The following ADAMTSL2 variants were observed in gnomAD, a reference collection of about 807,000 sequenced individuals.
The protein encoded by ADAMTSL2 is ADAMTS like 2, also known as ADAMTS-like protein 2.
In ADAMTSL2, 55 loss-of-function variants were observed where a neutral mutation model predicts 117.0. The observed-to-expected ratio is 0.47, with a 90% CI of 0.38 to 0.59. ADAMTSL2 has a LOEUF of 0.59. Ranked by LOEUF, ADAMTSL2 falls within the 20% of genes least tolerant of loss-of-function variation. ADAMTSL2 has a pLI of 0.00. For missense variants in ADAMTSL2, 1,182 were observed against 1,354.5 expected (o/e 0.87, Z 2.00); for synonymous variants, 572 against 566.4 (o/e 1.01, Z -0.14).
At chr9:133,538,171 A>G (rs1830097904) in intron 3 of ADAMTSL2, among the ~76,000 whole-genome samples, 178 bp from the exon 4 acceptor site, 2 of 152,252 alleles carry the variant, frequency 1.3e-5, no homozygotes, top group African/African-American at 2.4e-5. Context: ...AAGTGAATCA[A>G]ATCTCATTCC....
chr9:133,551,825 T>A (rs1336171281), intron 9 of ADAMTSL2, among the ~76,000 whole-genome samples: 3 of 70,016 alleles, frequency 4.3e-5, no homozygotes, highest in Non-Finnish European at 1.1e-4. Flanking sequence ...TTTTTTTTTT[T>A]TTTTTTTTTT....
At chr9:133,551,512 G>A (rs9696281) in intron 9 of ADAMTSL2, among the ~76,000 whole-genome samples, 47,655 of 152,030 alleles carry the variant, frequency 0.31, 8,134 homozygotes, top group Middle Eastern at 0.39. Context: ...TGTGTGGGTC[G>A]CCTGATGTCC....
At chr9:133,549,974 T>C (rs1830445135) in intron 9 of ADAMTSL2, among the ~76,000 whole-genome samples, 1 of 152,214 alleles carries the variant, frequency 6.6e-6, no homozygotes, top group South Asian at 2.1e-4. Context: ...ATGTCTTCTA[T>C]GTGCTGGGCA....
intron 15 of ADAMTSL2, 44 bp from the exon 16 acceptor site, chr9:133,569,364 G>A (rs1831051779): frequency 1.2e-6 from 2 of 1,602,442 alleles, no homozygotes; most frequent in South Asian, 2.2e-5. Flanking sequence ...TCCTGGTGTG[G>A]CTGCCTCTCA....
Position 133,558,443 on chromosome 9 carries a change from A to T in ADAMTSL2, c.1649+2513A>T, listed in dbSNP as rs1830655970. On this transcript the variant is annotated intron_variant, in intron 11 of 18. Coordinates refer to ENST00000651351, the MANE Select transcript of ADAMTSL2 (RefSeq NM_014694.4). This position sits in a 1 kb window ranked among gnomAD's most constrained non-coding sequence, Gnocchi z 4.3. ...TTTCATCTTTCCAGAAAAGCTTCAA[A>T]CAATCAAGGGAGGGGCCCCTGTCAC... Among the ~76,000 whole-genome samples, 1 of 152,218 alleles carries T rather than the reference A, an allele frequency of 6.6e-6. No individual in the cohort carries two copies. The highest frequency in any genetic ancestry group is 6.5e-5 in the Admixed American group (1 of 15,286).
upstream of ADAMTSL2, among the ~76,000 whole-genome samples, chr9:133,533,542 A>G (rs1373155718): frequency 6.6e-6 from 1 of 152,214 alleles, no homozygotes; most frequent in Non-Finnish European, 1.5e-5. Flanking sequence ...CTGGCCTCAC[A>G]GCTCTGGGCC....
In ADAMTSL2 at chr9:133,574,856, C is replaced by G. The variant is rs1045990677; in HGVS notation, c.2848C>G (p.His950Asp). 21 of 1,607,442 alleles carry G rather than the reference C, an allele frequency of 1.3e-5. No individual in the cohort carries two copies. Among genetic ancestry groups the G allele is most frequent in the South Asian group, 5.5e-5 (5 of 91,046 alleles). Residue 950 changes from histidine to aspartate, a missense_variant, in exon 19 of 19, where the codon CAC becomes GAC. Coordinates refer to ENST00000651351, the MANE Select transcript of ADAMTSL2 (RefSeq NM_014694.4). ...GTGCTGCCGCTCCTGCAGGCCCCCC[C>G]ACTCCTAGGCCCGGCAGCTGCAGCC... ...KACCRSCRPP[H>D]S
In ADAMTSL2 at chr9:133,558,535, G is replaced by A. The variant is rs36033612; in HGVS notation, c.1649+2605G>A. ...GCGGAGTCCCTCTCCGCAGCCTTGGGGGGAGAGAAGAACAGAGCACTTTCT... is the reference window on the plus strand; with the variant it reads ...GCGGAGTCCCTCTCCGCAGCCTTGGAGGGAGAGAAGAACAGAGCACTTTCT... On this transcript the variant is annotated intron_variant, in intron 11 of 18. Transcript: ENST00000651351. The surrounding 1 kb of genome is among the most constrained non-coding windows in gnomAD (Gnocchi z 4.3). Among the ~76,000 whole-genome samples, 2 of 152,216 alleles carry A rather than the reference G, an allele frequency of 1.3e-5. No individual in the cohort carries two copies. The highest frequency in any genetic ancestry group is 2.4e-5 in the African/African-American group (1 of 41,452).
chr9:133,549,032 C>T lies in ADAMTSL2; in HGVS notation c.939+1819C>T, dbSNP rs571102237. Among the ~76,000 whole-genome samples the T allele has an allele frequency of 4.9e-4, 2 of 4,048 alleles. 1 individual carries two copies. Among genetic ancestry groups the T allele is most frequent in the Non-Finnish European group, 4.7e-3 (2 of 426 alleles). 2.7% of individuals were successfully genotyped at this position (4,048 alleles called of 152,430 possible). A position where few individuals can be genotyped will look rare whatever the true frequency, so the allele number is the denominator to read the frequency against. ...TTTTTTTTTTTTTGAGACGGAGTCTCGCTCTGTCGCCCAGGCTGGAGTGCA... is the reference window on the plus strand; with the variant it reads ...TTTTTTTTTTTTTGAGACGGAGTCTTGCTCTGTCGCCCAGGCTGGAGTGCA... On this transcript the variant is annotated intron_variant, in intron 9 of 18. Transcript: ENST00000651351.
chr9:133,533,483 C>G (rs750742618), upstream of ADAMTSL2, among the ~76,000 whole-genome samples: 14 of 152,120 alleles, frequency 9.2e-5, no homozygotes, highest in Non-Finnish European at 1.9e-4. Context: ...TGACTTGGTC[C>G]CCGAACCTCA....
rs1225517069 is a variant in ADAMTSL2, at chr9:133,558,987, G to A, written c.1650-2211G>A. The stretch of plus-strand genomic sequence containing the variant: ...AAATCCAAAGGGTTATTTTGAACCG[G>A]GCCCGCTCTCTCTTGAGTCAGGCAT... On this transcript the variant is annotated intron_variant, in intron 11 of 18. Transcript: ENST00000651351. The surrounding 1 kb of genome is among the most constrained non-coding windows in gnomAD (Gnocchi z 4.3). Among the ~76,000 whole-genome samples, 1 of 152,122 alleles carries A rather than the reference G, an allele frequency of 6.6e-6. No homozygotes were observed. The highest frequency in any genetic ancestry group is 1.5e-5 in the Non-Finnish European group (1 of 68,026).
At chr9:133,537,291 G>A (rs1239842697) in intron 2 of ADAMTSL2, 114 bp from the exon 3 acceptor site, 9 of 1,182,790 alleles carry the variant, frequency 7.6e-6, no homozygotes, top group African/African-American at 3.1e-5. Context: ...GGCCCAGCCA[G>A]GGGGCTGTGT....
chr9:133,555,485 TC>T, intron 10 of ADAMTSL2, 72 bp from the exon 11 acceptor site: 1 of 1,595,028 alleles, frequency 6.3e-7, no homozygotes, highest in Non-Finnish European at 8.6e-7. Flanking sequence ...CTCGTCCAGG[TC>T]CCCTCCCCAG....
intron 4 of ADAMTSL2, among the ~76,000 whole-genome samples, chr9:133,538,637 T>C (rs1830113926): frequency 6.6e-6 from 1 of 151,928 alleles, no homozygotes; most frequent in Non-Finnish European, 1.5e-5. Context: ...TGTGCTCACA[T>C]GTGCTCAGCA....
At chr9:133,563,527 C>T (rs1830798131) in intron 12 of ADAMTSL2, among the ~76,000 whole-genome samples, 1 of 152,122 alleles carries the variant, frequency 6.6e-6, no homozygotes, top group East Asian at 1.9e-4. Flanking sequence ...GGACGTCGCT[C>T]GAGACGTCTG....
In ADAMTSL2 at chr9:133,540,665, G is replaced by C. The variant is rs1014528243; in HGVS notation, c.480G>C (p.Gln160His). The C allele has an allele frequency of 6.2e-7, 1 of 1,613,812 alleles. No individual in the cohort carries two copies. Among genetic ancestry groups the C allele is most frequent in the Non-Finnish European group, 8.5e-7 (1 of 1,180,046 alleles). ...GTACCACCGTGGACGGCCAGCGGCA[G>C]CTCATGGTCCCCGCCCGCGACGGCA... ...LHCTTVDGQRQLMVPARDGTS... is the reference protein window; with the variant it reads ...LHCTTVDGQRHLMVPARDGTS... Residue 160 changes from glutamine (Q) to histidine (H), a missense_variant, in exon 6 of 19, where the codon CAG becomes CAC. Physicochemically the swap from Gln to His is conservative, Grantham distance 24 (BLOSUM62 0). Transcript: ENST00000651351.
At chr9:133,538,537 C>T in intron 4 of ADAMTSL2, 113 bp downstream of exon 4, 5 of 1,254,380 alleles carry the variant, frequency 4.0e-6, no homozygotes, top group Non-Finnish European at 4.6e-6. Flanking sequence ...TTGTGGGCTG[C>T]TCTTCAAGGA....
rs532255412 is a variant in ADAMTSL2, at chr9:133,539,925, G to A, written c.412+52G>A. On this transcript the variant is annotated intron_variant, in intron 5 of 18. Coordinates refer to ENST00000651351, the MANE Select transcript of ADAMTSL2 (RefSeq NM_014694.4). ...TGCAGGGAGCTGACTGAGCTTTGGG[G>A]GTAGCCCTTCCGGCACCTGGGACCA... 5.9e-6 allele frequency: 9 copies of A among 1,521,384 alleles called. No individual in the cohort carries two copies. In the South Asian group the frequency reaches 8.4e-5, roughly 14 times the overall value. The allele number at this position is 1,521,384 out of a possible 1,614,324, so 94.2% of individuals were successfully genotyped here. A position where few individuals can be genotyped will look rare whatever the true frequency, so the allele number is the denominator to read the frequency against.
rs937540746 is a variant in ADAMTSL2, at chr9:133,574,869, G to A, written c.*5G>A. 3.1e-5 allele frequency: 50 copies of A among 1,608,044 alleles called. No homozygotes were observed. The East Asian group carries it at 3.8e-4, about 12-fold the overall frequency. ...TGCAGGCCCCCCCACTCCTAGGCCC[G>A]GCAGCTGCAGCCCCTTCCAGATGAA... On this transcript the variant is annotated 3_prime_UTR_variant, in exon 19 of 19. Transcript: ENST00000651351.
Sources: allele counts gnomAD v4.1 joint callset (sites outside exome capture counted in the v4.1 genomes callset), GRCh38; gene constraint gnomAD v4.1.1; non-coding constraint Gnocchi (gnomAD v3.1); transcripts MANE v1.5; gene names NCBI Gene and HGNC (gene_info 2026-07-23, HGNC 2026-07-21).